The following CXCL13 variants were observed in gnomAD, a reference collection of about 807,000 sequenced individuals.
The protein encoded by CXCL13 is C-X-C motif chemokine ligand 13.
Under a neutral mutation model 12.2 loss-of-function variants are expected in CXCL13, and 7 were observed. The ratio of observed to expected loss-of-function variants is 0.57; its 90% CI spans 0.33 to 1.07. The LOEUF (loss-of-function observed/expected upper bound fraction) is 1.07. Among genes scored for constraint, CXCL13 ranks in the 50% least tolerant of loss-of-function variants. CXCL13 has a pLI of 0.04. For missense variants in CXCL13, 113 were observed against 127.4 expected (o/e 0.89, Z 0.55); for synonymous variants, 47 against 42.4 (o/e 1.11, Z -0.42).
At chr4:77,516,948 C>T (rs565157968) in intron 1 of CXCL13, among the ~76,000 whole-genome samples, 1 of 152,176 alleles carries the variant, frequency 6.6e-6, no homozygotes, top group East Asian at 1.9e-4. Flanking sequence ...GCATTTAGTG[C>T]TATAAATTTC....
At chr4:77,539,060 C>CT (rs34238488) in intron 1 of CXCL13, among the ~76,000 whole-genome samples, 3,982 of 141,680 alleles carry the variant, frequency 0.028, 171 homozygotes, top group African/African-American at 0.095. Flanking sequence ...CTAATTTGAC[C>CT]TTTTTTTTTT....
chr4:77,541,762 G>C (rs572949081), intron 1 of CXCL13, among the ~76,000 whole-genome samples: 1 of 151,264 alleles, frequency 6.6e-6, no homozygotes, highest in East Asian at 2.0e-4. Flanking sequence ...AAATTAAATT[G>C]GTAGCTTAAT....
intron 2 of CXCL13, among the ~76,000 whole-genome samples, chr4:77,609,306 T>TTTTG (rs1560539540): frequency 1.3e-5 from 2 of 151,174 alleles, no homozygotes; most frequent in African/African-American, 4.9e-5. Flanking sequence ...TTGGGTTTTT[T>TTTTG]TTTTGTTTTG....
chr4:77,583,114 C>A (rs1726377956), intron 1 of CXCL13, among the ~76,000 whole-genome samples: 20 of 152,166 alleles, frequency 1.3e-4, no homozygotes, highest in Admixed American at 1.3e-3. Flanking sequence ...TCAGCTCTTC[C>A]TTAGGTCAGA....
chr4:77,551,404 T>A (rs1251293886), intron 1 of CXCL13, among the ~76,000 whole-genome samples: 1 of 152,220 alleles, frequency 6.6e-6, no homozygotes, highest in African/African-American at 2.4e-5. Context: ...GATAAGAAAT[T>A]GTTGGCTGCA....
chr4:77,609,047 A>G (rs369505757), intron 2 of CXCL13, among the ~76,000 whole-genome samples: 1 of 152,232 alleles, frequency 6.6e-6, no homozygotes, highest in African/African-American at 2.4e-5. Context: ...AAAGTTTCAA[A>G]TTATTGTGAG....
chr4:77,519,207 G>C (rs1281270134), intron 1 of CXCL13, among the ~76,000 whole-genome samples: 1 of 152,166 alleles, frequency 6.6e-6, no homozygotes, highest in Non-Finnish European at 1.5e-5. Flanking sequence ...CCCCTACTGG[G>C]GGATGCCTCC....
intron 1 of CXCL13, among the ~76,000 whole-genome samples, chr4:77,568,161 G>A (rs1418940004): frequency 6.6e-6 from 1 of 152,186 alleles, no homozygotes; most frequent in Non-Finnish European, 1.5e-5. Context: ...AGACTGATCA[G>A]CACCATTCAG....
chr4:77,560,913 G>C (rs1027486572), intron 1 of CXCL13, among the ~76,000 whole-genome samples: 5 of 152,092 alleles, frequency 3.3e-5, no homozygotes, highest in African/African-American at 9.7e-5. Context: ...TTCCCATGAT[G>C]CTGAAATCCT....
chr4:77,542,857 A>T lies in CXCL13; in HGVS notation c.-43+31069A>T, dbSNP rs78163920. ...TGTTGTGCCTTTGCCAGGTTTTGGT[A>T]TCAGGGTGATGCTAGCTTTGTAGAA... On this transcript the variant is annotated intron_variant, in intron 1 of 4. Transcript: ENST00000286758. 4.4e-3 allele frequency among the ~76,000 whole-genome samples: 668 copies of T among 152,244 alleles called. 17 individuals carry two copies. Among genetic ancestry groups the T allele is most frequent in the East Asian group, 0.026 (137 of 5,186 alleles).
intron 1 of CXCL13, among the ~76,000 whole-genome samples, chr4:77,582,352 T>C (rs926835159): frequency 6.6e-6 from 1 of 152,174 alleles, no homozygotes; most frequent in African/African-American, 2.4e-5. Flanking sequence ...ACAGTATGAT[T>C]CTTAAGAGAC....
At chr4:77,599,295 G>A (rs1490440423) in intron 1 of CXCL13, among the ~76,000 whole-genome samples, 1 of 152,136 alleles carries the variant, frequency 6.6e-6, no homozygotes, top group African/African-American at 2.4e-5. Flanking sequence ...AAATGGGGTA[G>A]TATTTGCATA....
At chr4:77,604,923 C>T (rs997442501), upstream of CXCL13, among the ~76,000 whole-genome samples, 1 of 152,162 alleles carries the variant, frequency 6.6e-6, no homozygotes, top group South Asian at 2.1e-4. Flanking sequence ...CTAGGCCAGA[C>T]TAGCCAGTCT....
At chr4:77,587,091 C>T (rs1343133547) in intron 1 of CXCL13, among the ~76,000 whole-genome samples, 1 of 152,188 alleles carries the variant, frequency 6.6e-6, no homozygotes, top group African/African-American at 2.4e-5. Context: ...CTTGAACAGC[C>T]TTCCCTGTCT....
At chr4:77,608,258 T>A (rs1727042596) in intron 2 of CXCL13, among the ~76,000 whole-genome samples, 1 of 151,970 alleles carries the variant, frequency 6.6e-6, no homozygotes, top group Non-Finnish European at 1.5e-5. Flanking sequence ...CTGACCAACA[T>A]GGAGAAACCC....
intron 1 of CXCL13, among the ~76,000 whole-genome samples, chr4:77,548,176 G>A (rs1213109568): frequency 6.6e-6 from 1 of 152,186 alleles, no homozygotes; most frequent in Non-Finnish European, 1.5e-5. Flanking sequence ...ATTTAGAGTA[G>A]CATAATATTC....
chr4:77,536,808 A>G (rs928704430), intron 1 of CXCL13, among the ~76,000 whole-genome samples: 3 of 152,218 alleles, frequency 2.0e-5, no homozygotes, highest in Non-Finnish European at 4.4e-5. Context: ...AATTCTTTAA[A>G]AAGAATGACT....
chr4:77,584,365 TTGA>T (rs1726403967), intron 1 of CXCL13, among the ~76,000 whole-genome samples: 1 of 152,202 alleles, frequency 6.6e-6, no homozygotes, highest in African/African-American at 2.4e-5. Flanking sequence ...CATTAGACAG[TTGA>T]TGGGACTCAT....
intron 1 of CXCL13, among the ~76,000 whole-genome samples, chr4:77,556,213 C>T (rs574889275): frequency 1.3e-4 from 20 of 152,222 alleles, no homozygotes; most frequent in African/African-American, 4.3e-4. Flanking sequence ...TGTCCATAAA[C>T]AAATGAATGG....
Sources: allele counts gnomAD v4.1 joint callset (sites outside exome capture counted in the v4.1 genomes callset), GRCh38; gene constraint gnomAD v4.1.1; transcripts MANE v1.5; gene names NCBI Gene and HGNC (gene_info 2026-07-23, HGNC 2026-07-21).